EZR: variants seen among roughly 807,000 people sequenced by gnomAD.
The protein encoded by EZR is ezrin, also known as cytovillin 2.
A neutral mutation model predicts 74.8 loss-of-function variants in EZR; 40 were observed. The ratio of observed to expected loss-of-function variants is 0.53; its 90% CI spans 0.42 to 0.70. The LOEUF is 0.70. EZR is among the 30% of genes least tolerant of loss of function. The probability of loss-of-function intolerance (pLI) is 0.00; values close to 1 mark genes in which losing one functional copy is unlikely to be tolerated. For synonymous variants in EZR, 341 were observed against 283.3 expected (o/e 1.20, Z -2.05); for missense variants, 678 against 755.8 (o/e 0.90, Z 1.21).
At chr6:158,770,712 C>G (rs2128565951) in intron 10 of EZR, 52 bp downstream of exon 10, 1 of 1,611,666 alleles carries the variant, frequency 6.2e-7, no homozygotes, top group Non-Finnish European at 8.5e-7. Context: ...GCCCCTGCTA[C>G]TCTGTGGAAA....
intron 2 of EZR, among the ~76,000 whole-genome samples, chr6:158,806,480 C>CTT (rs10706390): frequency 7.1e-6 from 1 of 141,224 alleles, no homozygotes; most frequent in Non-Finnish European, 1.5e-5. Flanking sequence ...ACCACTTTCA[C>CTT]TTTTTTTTTT....
At chr6:158,784,349 G>A (rs1189114642) in intron 6 of EZR, among the ~76,000 whole-genome samples, 1 of 152,216 alleles carries the variant, frequency 6.6e-6, no homozygotes, top group East Asian at 1.9e-4. Context: ...GATTGCAGGT[G>A]AACAATGCCC....
chr6:158,818,383 G>A (rs1344054055), intron 1 of EZR, among the ~76,000 whole-genome samples: 1 of 151,076 alleles, frequency 6.6e-6, no homozygotes, highest in Non-Finnish European at 1.5e-5. Context: ...GAGAGCGGGG[G>A]CGCGCGCCCA....
chr6:158,806,301 T>C (rs942922080), intron 2 of EZR, among the ~76,000 whole-genome samples: 1 of 152,228 alleles, frequency 6.6e-6, no homozygotes, highest in Non-Finnish European at 1.5e-5. Flanking sequence ...AGGCACTTCA[T>C]GACGAGCAAA....
intron 8 of EZR, among the ~76,000 whole-genome samples, chr6:158,773,526 A>T (rs897427183): frequency 7.2e-5 from 11 of 152,246 alleles, no homozygotes; most frequent in African/African-American, 2.7e-4. Flanking sequence ...AGGACCAGCA[A>T]GGTAAAAATG....
intron 2 of EZR, among the ~76,000 whole-genome samples, chr6:158,817,348 G>A (rs1777580178): frequency 1.3e-5 from 2 of 152,132 alleles, no homozygotes; most frequent in African/African-American, 4.8e-5. Flanking sequence ...CAACCCCCAG[G>A]TCTCGCCAGC....
At chr6:158,779,556 T>C (rs1326625414) in intron 7 of EZR, among the ~76,000 whole-genome samples, 1 of 151,990 alleles carries the variant, frequency 6.6e-6, no homozygotes, top group Non-Finnish European at 1.5e-5. Context: ...TTTTTAAAGT[T>C]TGAAATAATA....
At chr6:158,783,019 G>C (rs1049337144) in intron 7 of EZR, among the ~76,000 whole-genome samples, 1 of 152,168 alleles carries the variant, frequency 6.6e-6, no homozygotes, top group South Asian at 2.1e-4. Flanking sequence ...TAACTAATGC[G>C]AGGCAATTAA....
chr6:158,767,177 C>CTGGCTCA lies in EZR; in HGVS notation c.1596+77_1596+83dup. 3 of 1,581,614 alleles carry CTGGCTCA rather than the reference C, an allele frequency of 1.9e-6. No individual in the cohort carries two copies. The East Asian group carries it at 6.7e-5, about 35-fold the overall frequency. ...AGGGCAAGAGGGGTGCTGGGTGGGG[C>CTGGCTCA]TGGCTCACATCACTGCCCTCCCCAA... On this transcript the variant is annotated intron_variant, in intron 13 of 13. Coordinates refer to ENST00000367075, the MANE Select transcript of EZR (RefSeq NM_001111077.2).
intron 4 of EZR, among the ~76,000 whole-genome samples, chr6:158,785,986 G>GACTGCAGTGAGCTATGATGGCGCC (rs1791570623): frequency 6.6e-6 from 1 of 152,150 alleles, no homozygotes; most frequent in Non-Finnish European, 1.5e-5. Context: ...AGGAGTTCGA[G>GACTGCAGTGAGCTATGATGGCGCC]ACTGCAGTGA....
chr6:158,789,671 G>A (rs1276801458), intron 2 of EZR: 2 of 494,296 alleles, frequency 4.0e-6, no homozygotes, highest in South Asian at 1.5e-5. Context: ...CCAAGCTGGA[G>A]TGCAGTGGCA....
At position 158,766,712 on chromosome 6, in the gene EZR, T is replaced by A. The variant is rs550560050; in HGVS notation, c.*202A>T. 1.6e-6 allele frequency: 1 copy of A among 611,670 alleles called. No individual in the cohort carries two copies. The highest frequency in any genetic ancestry group is 1.8e-5 in the African/African-American group (1 of 54,386). The allele number at this position is 611,670 out of a possible 1,614,324, so 37.9% of individuals were successfully genotyped here. On this transcript the variant is annotated 3_prime_UTR_variant, in exon 14 of 14. Coordinates refer to ENST00000367075, the MANE Select transcript of EZR (RefSeq NM_001111077.2). The stretch of plus-strand genomic sequence containing the variant: ...CGAGAATAATCGCGAGAATCAGGCC[T>A]GCTTGGCACTATTACAACTGGGGAA...
At chr6:158,771,924 C>T (rs1399155835) in intron 8 of EZR, among the ~76,000 whole-genome samples, 1 of 152,102 alleles carries the variant, frequency 6.6e-6, no homozygotes, top group Non-Finnish European at 1.5e-5. Flanking sequence ...CACAGCCTCC[C>T]CTCCCACACT....
In EZR at chr6:158,789,477, G is replaced by A. The variant is rs372284131; in HGVS notation, c.13-106C>T. 144 of 976,426 alleles carry A rather than the reference G, an allele frequency of 1.5e-4. No homozygotes were observed. In the African/African-American group the frequency reaches 2.0e-3, roughly 13 times the overall value. 60.5% of individuals were successfully genotyped at this position (976,426 alleles called of 1,614,324 possible). ...GCTCCTCAGTGTGGCGACGGCATATGCCTGACATCAGTTCCTGTGCTAGTC... is the reference window on the plus strand; with the variant it reads ...GCTCCTCAGTGTGGCGACGGCATATACCTGACATCAGTTCCTGTGCTAGTC... On this transcript the variant is annotated intron_variant, in intron 2 of 13. Transcript: ENST00000367075.
In EZR at chr6:158,818,089, G is replaced by A. The variant is rs1777600884; in HGVS notation, c.5C>T (p.Pro2Leu). 1 of 1,608,948 alleles carries A rather than the reference G, an allele frequency of 6.2e-7. No individual in the cohort carries two copies. Among genetic ancestry groups the A allele is most frequent in the Non-Finnish European group, 8.5e-7 (1 of 1,176,592 alleles). Residue 2 changes from proline to leucine, a missense_variant, in exon 2 of 14, where the codon CCG (proline) becomes CTG (leucine). Coordinates refer to ENST00000367075, the MANE Select transcript of EZR (RefSeq NM_001111077.2). Reference sequence around the variant, plus strand: ...AGAAACTGGGCAACTTACTGGTTTCGGCATTTTCGGTTTCTGGTGAGTATC... The same window carrying A: ...AGAAACTGGGCAACTTACTGGTTTCAGCATTTTCGGTTTCTGGTGAGTATC... M[P>L]KPINVRVTTM... is the part of the protein sequence containing the mutation.
At chr6:158,778,640 A>C (rs1791346497) in intron 7 of EZR, among the ~76,000 whole-genome samples, 1 of 152,220 alleles carries the variant, frequency 6.6e-6, no homozygotes, top group Non-Finnish European at 1.5e-5. Flanking sequence ...GACCAGACAG[A>C]GGCCTTTGGA....
chr6:158,797,684 A>T (rs1240059351), intron 2 of EZR, among the ~76,000 whole-genome samples: 2 of 152,262 alleles, frequency 1.3e-5, no homozygotes, highest in African/African-American at 4.8e-5. Flanking sequence ...AAATGGGAGT[A>T]TGATAGGGAA....
At chr6:158,794,875 A>T (rs937129898) in intron 2 of EZR, among the ~76,000 whole-genome samples, 1 of 152,198 alleles carries the variant, frequency 6.6e-6, no homozygotes, top group African/African-American at 2.4e-5. Context: ...AGACAAAAAG[A>T]ACCATGTGGT....
chr6:158,819,288 G>C (rs1332444695), intron 1 of EZR, 29 bp downstream of exon 1: 1 of 147,572 alleles, frequency 6.8e-6, no homozygotes, highest in African/African-American at 2.5e-5. Context: ...CAGAACCCCC[G>C]TCCCGACCCC....
Sources: allele counts gnomAD v4.1 joint callset (sites outside exome capture counted in the v4.1 genomes callset), GRCh38; gene constraint gnomAD v4.1.1; transcripts MANE v1.5; gene names NCBI Gene and HGNC (gene_info 2026-07-23, HGNC 2026-07-21).